The following TENM2 variants were observed in gnomAD, a reference collection of about 807,000 sequenced individuals.
TENM2 encodes teneurin transmembrane protein 2, also known as teneurin-2.
Under a neutral mutation model 245.2 loss-of-function variants are expected in TENM2, and 52 were observed. That is an observed-to-expected ratio of 0.21 (90% CI 0.17 to 0.27). The LOEUF (loss-of-function observed/expected upper bound fraction) is 0.27. TENM2 is among the 10% of genes least tolerant of loss of function. The pLI is 1.00. For missense variants in TENM2, 3,046 were observed against 3,666.8 expected (o/e 0.83, Z 4.37); for synonymous variants, 1,363 against 1,438.9 (o/e 0.95, Z 1.19).
upstream of TENM2, among the ~76,000 whole-genome samples, chr5:167,280,278 C>T (rs12655415): frequency 0.088 from 13,458 of 152,232 alleles, 777 homozygotes; most frequent in East Asian, 0.18. Flanking sequence ...GCTTACACCG[C>T]AGGGGGCAAG....
At chr5:167,484,687 AAAGT>A (rs1284225738) in intron 2 of TENM2, among the ~76,000 whole-genome samples, 3 of 152,216 alleles carry the variant, frequency 2.0e-5, no homozygotes, top group African/African-American at 7.2e-5. Context: ...CACACTAAAG[AAAGT>A]AAGACACAAA....
intron 2 of TENM2, among the ~76,000 whole-genome samples, chr5:167,448,103 G>A (rs1169342998): frequency 6.6e-6 from 1 of 152,150 alleles, no homozygotes; most frequent in Non-Finnish European, 1.5e-5. Context: ...TTCAGCTACA[G>A]TGGTTCCCAG....
intron 13 of TENM2, among the ~76,000 whole-genome samples, chr5:168,166,741 T>G (rs906086441): frequency 2.0e-5 from 3 of 152,190 alleles, no homozygotes; most frequent in African/African-American, 7.2e-5. Context: ...CCTATGCATC[T>G]AGAATGGTAC....
At position 168,236,985 on chromosome 5, in the gene TENM2, TATATATATATATATA is replaced by T. The variant is rs1446498477; in HGVS notation, c.5521-7434_5521-7420del. ...ATATATATATATATATATATATATA[TATATATATATATATA>T]TTTTTTTTTTTTTTTTTTTTTTTTT... On this transcript the variant is annotated intron_variant, in intron 25 of 28. Transcript: ENST00000518659. Among the ~76,000 whole-genome samples, 53 of 5,956 alleles carry T rather than the reference TATATATATATATATA, an allele frequency of 8.9e-3. 3 individuals are homozygous for T. The highest frequency in any genetic ancestry group is 0.013 in the Non-Finnish European group (40 of 3,022). 3.9% of individuals were successfully genotyped at this position (5,956 alleles called of 152,430 possible).
intron 1 of TENM2, among the ~76,000 whole-genome samples, chr5:167,291,562 TCAGCAGAATATTCTC>T (rs1448349020): frequency 2.0e-5 from 3 of 152,226 alleles, no homozygotes; most frequent in Non-Finnish European, 2.9e-5. Flanking sequence ...TTTGCTGTTT[TCAGCAGAATATTCTC>T]CAGGTAGATA....
At chr5:166,982,607 A>G in the TENM2 span, among the ~76,000 whole-genome samples, 7 of 152,234 alleles carry the variant, frequency 4.6e-5, no homozygotes, top group Non-Finnish European at 8.8e-5. Flanking sequence ...AGGGGGCAAC[A>G]TGAAAAGCCT....
At chr5:167,484,472 C>A (rs79175263) in intron 2 of TENM2, among the ~76,000 whole-genome samples, 6,626 of 152,120 alleles carry the variant, frequency 0.044, 359 homozygotes, top group East Asian at 0.18. Context: ...ATGAGAGAGA[C>A]CTAGAACAGA....
At chr5:167,147,119 T>G in the TENM2 span, among the ~76,000 whole-genome samples, 1 of 152,220 alleles carries the variant, frequency 6.6e-6, no homozygotes, top group Non-Finnish European at 1.5e-5. Flanking sequence ...CAGAATTATT[T>G]TTGTCCCTTT....
At chr5:167,760,440 G>A (rs1762587902) in intron 2 of TENM2, among the ~76,000 whole-genome samples, 1 of 152,104 alleles carries the variant, frequency 6.6e-6, no homozygotes, top group Non-Finnish European at 1.5e-5. Flanking sequence ...GTTAGACTTA[G>A]GCCCTAACAT....
At chr5:167,876,690 G>A (rs895633338) in intron 3 of TENM2, among the ~76,000 whole-genome samples, 9 of 152,036 alleles carry the variant, frequency 5.9e-5, no homozygotes, top group African/African-American at 7.2e-5. Flanking sequence ...AATGTGTTCC[G>A]TTGACATCAG....
chr5:167,776,321 G>A (rs1199981942), intron 2 of TENM2, among the ~76,000 whole-genome samples: 1 of 151,702 alleles, frequency 6.6e-6, no homozygotes, highest in Non-Finnish European at 1.5e-5. Flanking sequence ...AATAGGCCAG[G>A]CATGGTGGCT....
At chr5:167,818,596 G>A (rs967049145) in intron 2 of TENM2, among the ~76,000 whole-genome samples, 7 of 152,140 alleles carry the variant, frequency 4.6e-5, no homozygotes, top group Admixed American at 1.3e-4. Context: ...GTCAGCATAT[G>A]ACTGGCAGAC....
At chr5:167,069,663 G>T in the TENM2 span, among the ~76,000 whole-genome samples, 1 of 152,164 alleles carries the variant, frequency 6.6e-6, no homozygotes, top group East Asian at 1.9e-4. Flanking sequence ...TTTATTTATA[G>T]AGAGATGTCT....
chr5:167,089,837 C>A, the TENM2 span, among the ~76,000 whole-genome samples: 1 of 152,076 alleles, frequency 6.6e-6, no homozygotes, highest in Admixed American at 6.6e-5. Flanking sequence ...TTTTCAGAGT[C>A]TAGAGATCTG....
Position 167,736,686 on chromosome 5 carries a change from G to GAAA in TENM2, c.503-139284_503-139282dup, listed in dbSNP as rs57992345. 5.3e-3 allele frequency among the ~76,000 whole-genome samples: 681 copies of GAAA among 127,556 alleles called. 7 individuals are homozygous for GAAA. The highest frequency in any genetic ancestry group is 0.019 in the East Asian group (84 of 4,422). The allele number at this position is 127,556 out of a possible 152,430, so 83.7% of individuals were successfully genotyped here. On this transcript the variant is annotated intron_variant, in intron 2 of 28. Transcript: ENST00000518659. Reference sequence around the variant, plus strand: ...GACCTCCACAGAAGCCCTGGCTCAGGAAAAAAAAAAAAAAAAAATCCTCTG... The same window carrying GAAA: ...GACCTCCACAGAAGCCCTGGCTCAGGAAAAAAAAAAAAAAAAAAAAATCCTCTG...
At chr5:168,202,318 G>A (rs529583690) in intron 17 of TENM2, among the ~76,000 whole-genome samples, 1 of 151,938 alleles carries the variant, frequency 6.6e-6, no homozygotes, top group African/African-American at 2.4e-5. Flanking sequence ...ATTGTCCAGG[G>A]GTGGCAAATT....
chr5:167,143,754 G>A, the TENM2 span, among the ~76,000 whole-genome samples: 2 of 152,134 alleles, frequency 1.3e-5, no homozygotes, highest in Non-Finnish European at 2.9e-5. Context: ...TAACTAAGCC[G>A]ATTCTTACAA....
chr5:168,126,725 T>G (rs1795877463), intron 11 of TENM2, 29 bp from the exon 14 acceptor site: 2 of 1,572,130 alleles, frequency 1.3e-6, no homozygotes, highest in Non-Finnish European at 1.7e-6. Context: ...AGCTGTGGTG[T>G]TGAGCTGTAA....
chr5:167,106,832 A>C, the TENM2 span, among the ~76,000 whole-genome samples: 1 of 152,156 alleles, frequency 6.6e-6, no homozygotes, highest in Non-Finnish European at 1.5e-5. Context: ...TCAGGAACTG[A>C]TTATCTATAG....
Sources: gnomAD v4.1 joint callset for allele counts (sites outside exome capture counted in the v4.1 genomes callset) on GRCh38, gnomAD v4.1.1 for gene constraint, MANE v1.5 for transcripts, NCBI Gene and HGNC (gene_info 2026-07-23, HGNC 2026-07-21) for gene names.